NAV2: variants seen among roughly 807,000 people sequenced by gnomAD.
NAV2 encodes the protein helicase, APC down-regulated 1.
Under a neutral mutation model 223.2 loss-of-function variants are expected in NAV2, and 54 were observed. The ratio of observed to expected loss-of-function variants is 0.24; its 90% confidence interval spans 0.19 to 0.30. The LOEUF (loss-of-function observed/expected upper bound fraction) is 0.30, where lower values mean the gene tolerates loss of function less well. Ranked by LOEUF, NAV2 falls within the 10% of genes least tolerant of loss-of-function variation. The pLI is 1.00. For synonymous variants in NAV2, 1,279 were observed against 1,239.3 expected (o/e 1.03, Z -0.67); for missense variants, 2,806 against 3,147.5 (o/e 0.89, Z 2.60).
chr11:20,037,773 T>G (rs1259427338), intron 12 of NAV2, among the ~76,000 whole-genome samples: 4 of 152,226 alleles, frequency 2.6e-5, no homozygotes. Context: ...CATCAGTGAT[T>G]AGACGCAAGT....
intron 30 of NAV2, among the ~76,000 whole-genome samples, chr11:20,096,967 C>A (rs1196753500): frequency 2.0e-5 from 3 of 152,230 alleles, no homozygotes; most frequent in African/African-American, 7.2e-5. Flanking sequence ...CATGCAAAGC[C>A]TGTTACTGGG....
At position 19,645,240 on chromosome 11, in the gene NAV2, A is replaced by T. The variant is rs138206372; in HGVS notation, c.76-187244A>T. On this transcript the variant is annotated intron_variant, in intron 1 of 37. Transcript: ENST00000360655. Reference sequence around the variant, plus strand: ...GGCCCCTTCCTCCATCTTCGAGGCCAGCAAAGGCCAGTTTGAGCCTCCCTC... The same window carrying T: ...GGCCCCTTCCTCCATCTTCGAGGCCTGCAAAGGCCAGTTTGAGCCTCCCTC... 3.9e-3 allele frequency among the ~76,000 whole-genome samples: 595 copies of T among 152,248 alleles called. 2 individuals carry two copies. Among genetic ancestry groups the T allele is most frequent in the African/African-American group, 0.014 (562 of 41,546 alleles).
At chr11:20,095,586 A>C (rs1489596569) in intron 29 of NAV2, 86 bp from the exon 30 acceptor site, 1 of 872,886 alleles carries the variant, frequency 1.1e-6, no homozygotes, top group African/African-American at 1.7e-5. Context: ...CCATTGGCGG[A>C]GTTCTAAGGC....
intron 1 of NAV2, among the ~76,000 whole-genome samples, chr11:19,645,546 G>A (rs571995214): frequency 6.3e-4 from 96 of 152,188 alleles, no homozygotes; most frequent in African/African-American, 2.2e-3. Flanking sequence ...GGGGTGATAA[G>A]GATGCCAGAT....
At chr11:19,741,217 G>A (rs1054010166) in intron 1 of NAV2, among the ~76,000 whole-genome samples, 2 of 152,072 alleles carry the variant, frequency 1.3e-5, no homozygotes, top group African/African-American at 4.8e-5. Context: ...ATTACTACAG[G>A]GAAGCAATTT....
Position 20,048,923 on chromosome 11 carries a change from G to T in NAV2, c.4098G>T (p.Pro1366=). ...YSKNVDLNQS[P]LASSPSSAHS... ...AGAATGTGGACCTCAACCAGTCTCC[G>T]CTAGCCTCCAGCCCCAGCTCAGCCC... is the stretch of plus-strand genomic sequence containing the variant. The change falls in exon 15 of 38, where the codon CCG becomes CCT. Residue 1366 remains proline (P), a synonymous_variant. Transcript: ENST00000349880. The T allele has an allele frequency of 1.9e-6, 3 of 1,614,080 alleles. No individual in the cohort carries two copies. The highest frequency in any genetic ancestry group is 2.5e-6 in the Non-Finnish European group (3 of 1,180,014).
At chr11:20,088,937 C>T (rs2060636141) in intron 26 of NAV2, among the ~76,000 whole-genome samples, 1 of 151,910 alleles carries the variant, frequency 6.6e-6, no homozygotes, top group Non-Finnish European at 1.5e-5. Flanking sequence ...TCCATTTAAA[C>T]CAAGAAACCA....
chr11:19,395,643 C>T (rs1337566132), intron 1 of NAV2, among the ~76,000 whole-genome samples: 9 of 152,186 alleles, frequency 5.9e-5, no homozygotes, highest in Admixed American at 5.9e-4. Context: ...GCGGCTGAGC[C>T]ACTAAACTTG....
chr11:20,046,388 A>AT (rs909737589), intron 14 of NAV2, among the ~76,000 whole-genome samples: 33 of 151,902 alleles, frequency 2.2e-4, no homozygotes, highest in Non-Finnish European at 3.1e-4. Flanking sequence ...TGAGGTCTTG[A>AT]TACACCCTTG....
intron 1 of NAV2, among the ~76,000 whole-genome samples, chr11:19,509,103 C>G (rs528684828): frequency 6.6e-6 from 1 of 152,340 alleles, no homozygotes; most frequent in East Asian, 1.9e-4. Context: ...AATGAGGAAA[C>G]AGAAAAAGGA....
intron 10 of NAV2, among the ~76,000 whole-genome samples, chr11:19,975,100 T>A (rs1452965846): frequency 6.6e-6 from 1 of 152,222 alleles, no homozygotes; most frequent in African/African-American, 2.4e-5. Context: ...TGTGTTAGGA[T>A]GTGTTTCATC....
intron 1 of NAV2, among the ~76,000 whole-genome samples, chr11:19,356,748 C>T (rs1344211516): frequency 6.6e-6 from 1 of 152,150 alleles, no homozygotes; most frequent in Non-Finnish European, 1.5e-5. Context: ...ACCTTAACCC[C>T]CACTGTGGCT....
chr11:20,044,952 C>A lies in NAV2; in HGVS notation c.3200-16C>A. The A allele has an allele frequency of 6.3e-7, 1 of 1,585,394 alleles. No individual in the cohort carries two copies. Among genetic ancestry groups the A allele is most frequent in the Non-Finnish European group, 8.6e-7 (1 of 1,166,138 alleles). ...GCTCTTGGCTTGCAGGCTAATCTTG[C>A]TGATCTCTCTCTTAGGAAAAACAGA... On this transcript the variant is annotated splice_polypyrimidine_tract_variant and intron_variant, in intron 13 of 37. Coordinates refer to ENST00000349880, the MANE Select transcript of NAV2 (RefSeq NM_145117.5).
At chr11:19,850,275 G>T (rs2061040476) in intron 3 of NAV2, among the ~76,000 whole-genome samples, 1 of 152,138 alleles carries the variant, frequency 6.6e-6, no homozygotes, top group Non-Finnish European at 1.5e-5. Flanking sequence ...GTGTCCCCAA[G>T]TGTCCTGTGC....
chr11:19,923,990 G>T (rs1008664243), intron 6 of NAV2, among the ~76,000 whole-genome samples: 3 of 152,186 alleles, frequency 2.0e-5, no homozygotes, highest in Admixed American at 6.5e-5. Flanking sequence ...TCTTCCTTCA[G>T]ACACCAGCAA....
At chr11:19,683,926 G>A (rs986163518) in intron 1 of NAV2, among the ~76,000 whole-genome samples, 6 of 152,204 alleles carry the variant, frequency 3.9e-5, no homozygotes, top group Non-Finnish European at 7.4e-5. Flanking sequence ...ACAATTGTTT[G>A]CATTAAAATA....
At chr11:20,022,717 T>G (rs1434909249) in intron 11 of NAV2, 8 of 1,038,540 alleles carry the variant, frequency 7.7e-6, no homozygotes, top group Non-Finnish European at 9.2e-6. Context: ...TTTTTCATTC[T>G]TAGATTTTCT....
chr11:19,953,855 G>GCT (rs1565633455), intron 10 of NAV2, among the ~76,000 whole-genome samples: 37 of 143,718 alleles, frequency 2.6e-4, no homozygotes, highest in Admixed American at 8.4e-4. Context: ...GTGCACGCGC[G>GCT]CGCGTGTGTG....
intron 20 of NAV2, among the ~76,000 whole-genome samples, chr11:20,065,533 A>G (rs1318531575): frequency 6.6e-6 from 1 of 152,238 alleles, no homozygotes; most frequent in Non-Finnish European, 1.5e-5. Flanking sequence ...TTTGGTAGGG[A>G]ACACTGGAGT....
Sources: allele counts gnomAD v4.1 joint callset (sites outside exome capture counted in the v4.1 genomes callset), GRCh38; gene constraint gnomAD v4.1.1; transcripts MANE v1.5; gene names NCBI Gene and HGNC (gene_info 2026-07-23, HGNC 2026-07-21).